The following DLGAP2 variants were observed in gnomAD, a reference collection of about 807,000 sequenced individuals.
DLGAP2 encodes the protein disks large-associated protein 2.
DLGAP2 carries 26 observed loss-of-function variants against 100.3 expected under a neutral mutation model. That is an observed-to-expected ratio of 0.26 (90% CI 0.19 to 0.36). DLGAP2 has a LOEUF of 0.36. Among genes scored for constraint, DLGAP2 ranks in the 10% least tolerant of loss-of-function variants. DLGAP2 has a pLI of 1.00. For synonymous variants in DLGAP2, 886 were observed against 630.1 expected, an observed-to-expected ratio of 1.41 and a Z score of -6.08; for missense variants, 1,858 against 1,453.2, an observed-to-expected ratio of 1.28 and a Z score of -4.53.
chr8:1,590,801 T>C (rs1263459858), intron 6 of DLGAP2, among the ~76,000 whole-genome samples: 1 of 152,128 alleles, frequency 6.6e-6, no homozygotes, highest in Non-Finnish European at 1.5e-5. Context: ...GTTCGGAGGC[T>C]CCCTCTGGTC....
intron 3 of DLGAP2, among the ~76,000 whole-genome samples, chr8:1,279,885 A>G (rs2116946435): frequency 6.6e-6 from 1 of 152,318 alleles, no homozygotes; most frequent in African/African-American, 2.4e-5. Context: ...GGCCCAGTCT[A>G]CACGCCAAGG....
intron 2 of DLGAP2, among the ~76,000 whole-genome samples, chr8:1,211,396 T>C (rs1044438961): frequency 6.6e-6 from 1 of 152,190 alleles, no homozygotes; most frequent in South Asian, 2.1e-4. Flanking sequence ...AAAAACAACT[T>C]TGGGTGCAGC....
At chr8:892,510 C>T (rs903503855) in intron 1 of DLGAP2, among the ~76,000 whole-genome samples, 5 of 152,010 alleles carry the variant, frequency 3.3e-5, no homozygotes, top group African/African-American at 1.2e-4. Flanking sequence ...TTCATAGAGG[C>T]AGAAAGTAGA....
intron 2 of DLGAP2, among the ~76,000 whole-genome samples, chr8:1,037,769 C>T (rs962621214): frequency 6.6e-6 from 1 of 152,176 alleles, no homozygotes; most frequent in South Asian, 2.1e-4. Context: ...TCCAAGCAGG[C>T]TGGTTCCCTC....
At chr8:1,523,099 A>G (rs894367088) in intron 4 of DLGAP2, among the ~76,000 whole-genome samples, 2 of 152,188 alleles carry the variant, frequency 1.3e-5, no homozygotes, top group Non-Finnish European at 2.9e-5. Context: ...CCCGTGCGGC[A>G]TCTCCTGGGA....
chr8:1,410,315 G>A (rs908830784), intron 3 of DLGAP2, among the ~76,000 whole-genome samples: 3 of 152,216 alleles, frequency 2.0e-5, no homozygotes, highest in East Asian at 1.9e-4. Context: ...CACGGGCATG[G>A]CTTCACGCGT....
chr8:800,590 T>G (rs1392795613), intron 1 of DLGAP2, among the ~76,000 whole-genome samples: 1 of 152,174 alleles, frequency 6.6e-6, no homozygotes, highest in African/African-American at 2.4e-5. Context: ...GTGGAGAACC[T>G]TGTGCACCTG....
At chr8:1,070,936 C>A (rs947132845) in intron 2 of DLGAP2, among the ~76,000 whole-genome samples, 3 of 152,216 alleles carry the variant, frequency 2.0e-5, no homozygotes, top group African/African-American at 7.2e-5. Flanking sequence ...AGAGGGGAAG[C>A]CCCTGGAAGA....
intron 2 of DLGAP2, among the ~76,000 whole-genome samples, chr8:1,213,193 C>T (rs187126141): frequency 6.8e-4 from 104 of 152,158 alleles, no homozygotes; most frequent in Admixed American, 2.3e-3. Flanking sequence ...AGCTGTTTTG[C>T]GGGTGTCATA....
chr8:1,539,387 G>C lies in DLGAP2; in HGVS notation c.173-9239G>C, dbSNP rs542453151. On this transcript the variant is annotated intron_variant, in intron 4 of 14. Transcript: ENST00000637795. The stretch of plus-strand genomic sequence containing the variant: ...GAAGAGGAAAACAGGTTACCACGTG[G>C]TTAGCCACACCATTACAACACTGGC... 5.9e-5 allele frequency among the ~76,000 whole-genome samples: 9 copies of C among 152,254 alleles called. No homozygotes were observed. The East Asian group carries it at 1.7e-3, about 29-fold the overall frequency.
chr8:900,439 C>T (rs969685529), intron 1 of DLGAP2, among the ~76,000 whole-genome samples: 19 of 152,240 alleles, frequency 1.2e-4, no homozygotes, highest in Non-Finnish European at 2.4e-4. Flanking sequence ...CCCACATCCT[C>T]TCACTCCTGG....
At position 923,376 on chromosome 8, in the gene DLGAP2, C is replaced by T. The variant is rs199934800; in HGVS notation, c.73+15410C>T. ...ATGCGTGGAGGAAGACTCTGAGGGG[C>T]CACTGCCTTGATGGATTGTGATGCC... On this transcript the variant is annotated intron_variant, in intron 2 of 14. Coordinates refer to ENST00000637795, the MANE Select transcript of DLGAP2 (RefSeq NM_001346810.2). Among the ~76,000 whole-genome samples, 14 of 152,326 alleles carry T rather than the reference C, an allele frequency of 9.2e-5. No individual in the cohort carries two copies. The East Asian group carries it at 1.2e-3, about 13-fold the overall frequency.
At chr8:1,022,507 G>A (rs537419906) in intron 2 of DLGAP2, among the ~76,000 whole-genome samples, 9 of 144,388 alleles carry the variant, frequency 6.2e-5, no homozygotes, top group South Asian at 2.2e-4. Flanking sequence ...GTCCCATGCC[G>A]AGGTAGACAC....
intron 2 of DLGAP2, among the ~76,000 whole-genome samples, chr8:1,085,587 G>C (rs1200026512): frequency 6.6e-6 from 1 of 152,156 alleles, no homozygotes; most frequent in African/African-American, 2.4e-5. Flanking sequence ...TGCATGTGTG[G>C]GTTCGTTTCT....
intron 7 of DLGAP2, 137 bp from the exon 8 acceptor site, chr8:1,632,690 G>A (rs1375815357): frequency 1.3e-6 from 1 of 785,690 alleles, no homozygotes; most frequent in Non-Finnish European, 2.0e-6. Flanking sequence ...CGATGCCCAT[G>A]CTGACTTCAG....
In DLGAP2 at chr8:1,389,664, G is replaced by A. The variant is rs74938414; in HGVS notation, c.107-111702G>A. On this transcript the variant is annotated intron_variant, in intron 3 of 14. Transcript: ENST00000637795. ...TCCAGACCTCAGATTGTGCAGAATG[G>A]ATGCAGCGGAGAGACAAGCACTGCC... Among the ~76,000 whole-genome samples, 1,435 of 152,212 alleles carry A rather than the reference G, an allele frequency of 9.4e-3. 29 individuals carry two copies. The highest frequency in any genetic ancestry group is 0.033 in the African/African-American group (1,354 of 41,526).
At chr8:1,180,958 G>T (rs113408494) in intron 2 of DLGAP2, among the ~76,000 whole-genome samples, 11 of 80,150 alleles carry the variant, frequency 1.4e-4, no homozygotes, top group South Asian at 5.9e-4. Context: ...GTGGGTGGCT[G>T]TGCAAGGGCA....
At chr8:1,101,142 G>A (rs1246156965) in intron 2 of DLGAP2, among the ~76,000 whole-genome samples, 2 of 152,228 alleles carry the variant, frequency 1.3e-5, no homozygotes, top group East Asian at 3.9e-4. Flanking sequence ...GCACTGATGG[G>A]CATGGCAGAC....
chr8:1,192,345 T>C (rs1014868190), intron 2 of DLGAP2, among the ~76,000 whole-genome samples: 2 of 152,212 alleles, frequency 1.3e-5, no homozygotes, highest in Non-Finnish European at 2.9e-5. Flanking sequence ...TGCTTTGCAT[T>C]GTGAATACCT....
Sources: gnomAD v4.1 joint callset for allele counts (sites outside exome capture counted in the v4.1 genomes callset) on GRCh38, gnomAD v4.1.1 for gene constraint, MANE v1.5 for transcripts, NCBI Gene and HGNC (gene_info 2026-07-23, HGNC 2026-07-21) for gene names.